EPHA6: variants seen among roughly 807,000 people sequenced by gnomAD.
EPHA6 encodes ephrin type-A receptor 6.
A neutral mutation model predicts 112.0 loss-of-function variants in EPHA6; 50 were observed. That is an observed-to-expected ratio of 0.45 (90% CI 0.36 to 0.56). EPHA6 has a LOEUF of 0.56. Among genes scored for constraint, EPHA6 ranks in the 20% least tolerant of loss-of-function variants. The probability of loss-of-function intolerance (pLI) is 0.00; values close to 1 mark genes in which losing one functional copy is unlikely to be tolerated. For synonymous variants in EPHA6, 529 were observed against 490.7 expected (o/e 1.08, Z -1.03); for missense variants, 1,280 against 1,417.4 (o/e 0.90, Z 1.56).
intron 6 of EPHA6, among the ~76,000 whole-genome samples, chr3:97,435,685 G>A (rs1281862828): frequency 6.6e-6 from 1 of 152,060 alleles, no homozygotes; most frequent in Non-Finnish European, 1.5e-5. Flanking sequence ...TGCAGAACAG[G>A]GCTCTTCACT....
At chr3:97,247,992 A>G (rs979452658) in intron 5 of EPHA6, among the ~76,000 whole-genome samples, 1 of 152,002 alleles carries the variant, frequency 6.6e-6, no homozygotes, top group Non-Finnish European at 1.5e-5. Context: ...CATGTAGTTG[A>G]CTGTATGTAT....
chr3:97,143,795 A>T (rs776138101), intron 3 of EPHA6, among the ~76,000 whole-genome samples: 14 of 151,624 alleles, frequency 9.2e-5, no homozygotes, highest in Non-Finnish European at 2.1e-4. Context: ...ACAGAGGGGG[A>T]GACTCCTTTT....
chr3:97,291,063 G>T (rs917604980), intron 5 of EPHA6, among the ~76,000 whole-genome samples: 2 of 151,942 alleles, frequency 1.3e-5, no homozygotes, highest in Non-Finnish European at 2.9e-5. Context: ...TGGCTGGCAT[G>T]TTGTGTTTTG....
At chr3:97,632,500 T>A (rs301932) in intron 13 of EPHA6, among the ~76,000 whole-genome samples, 105,543 of 151,768 alleles carry the variant, frequency 0.7, 39,663 homozygotes, top group Middle Eastern at 0.89. Flanking sequence ...CTTTTTTGCT[T>A]CCCACATTGA....
At chr3:96,954,581 G>A (rs1046608400) in intron 2 of EPHA6, among the ~76,000 whole-genome samples, 1 of 152,008 alleles carries the variant, frequency 6.6e-6, no homozygotes, top group African/African-American at 2.4e-5. Context: ...AGTGCTTCCT[G>A]ATTATCTCAC....
intron 14 of EPHA6, among the ~76,000 whole-genome samples, chr3:97,667,907 G>A (rs2107650498): frequency 6.6e-6 from 1 of 152,176 alleles, no homozygotes; most frequent in African/African-American, 2.4e-5. Context: ...GTAACTTCTT[G>A]GAACTAAAAG....
intron 1 of EPHA6, among the ~76,000 whole-genome samples, chr3:96,830,484 G>A (rs1436665609): frequency 6.6e-6 from 1 of 151,962 alleles, no homozygotes; most frequent in African/African-American, 2.4e-5. Flanking sequence ...TTTACTAATG[G>A]AATTTATATG....
chr3:96,888,945 A>C (rs1425862060), intron 2 of EPHA6, among the ~76,000 whole-genome samples: 2 of 152,064 alleles, frequency 1.3e-5, no homozygotes, highest in African/African-American at 4.8e-5. Context: ...ACAGCACCCA[A>C]GTCACATCTT....
chr3:97,391,421 T>A lies in EPHA6; in HGVS notation c.1607-13729T>A, dbSNP rs371084781. Among the ~76,000 whole-genome samples the A allele has an allele frequency of 9.2e-5, 14 of 152,018 alleles. No individual in the cohort carries two copies. The East Asian group carries it at 2.3e-3, about 25-fold the overall frequency. Reference sequence around the variant, plus strand: ...ACAGTACAGTTTGTAAGTGCTAGACTTCAGTCAGAAGTCTGTTCTTTACAT... The same window carrying A: ...ACAGTACAGTTTGTAAGTGCTAGACATCAGTCAGAAGTCTGTTCTTTACAT... On this transcript the variant is annotated intron_variant, in intron 5 of 17. Coordinates refer to ENST00000389672, the MANE Select transcript of EPHA6 (RefSeq NM_001080448.3).
At chr3:97,314,362 A>G (rs143663956) in intron 5 of EPHA6, among the ~76,000 whole-genome samples, 1 of 151,734 alleles carries the variant, frequency 6.6e-6, no homozygotes, top group East Asian at 1.9e-4. Flanking sequence ...TTCTGGATCC[A>G]TATGAGTTTT....
chr3:97,445,093 A>G (rs1469037816), intron 6 of EPHA6, among the ~76,000 whole-genome samples: 1 of 152,168 alleles, frequency 6.6e-6, no homozygotes, highest in Admixed American at 6.5e-5. Context: ...TAATTTGGAT[A>G]CAAATATGTC....
chr3:97,747,634 G>A, intron 17 of EPHA6, 62 bp downstream of exon 17: 1 of 1,422,196 alleles, frequency 7.0e-7, no homozygotes, highest in Non-Finnish European at 9.3e-7. Context: ...AAGTTCAAAT[G>A]CTGTATCAAG....
intron 11 of EPHA6, among the ~76,000 whole-genome samples, chr3:97,535,756 A>G (rs2092755474): frequency 6.6e-6 from 1 of 152,152 alleles, no homozygotes; most frequent in South Asian, 2.1e-4. Context: ...TGGGATTCTG[A>G]GAAATAAATT....
chr3:97,117,697 C>A (rs1202286856), intron 3 of EPHA6, among the ~76,000 whole-genome samples: 1 of 151,624 alleles, frequency 6.6e-6, no homozygotes, highest in Non-Finnish European at 1.5e-5. Context: ...AATACTAGTA[C>A]CATGCTGTTT....
At chr3:97,292,857 G>A (rs924299174) in intron 5 of EPHA6, among the ~76,000 whole-genome samples, 1 of 151,706 alleles carries the variant, frequency 6.6e-6, no homozygotes, top group Non-Finnish European at 1.5e-5. Flanking sequence ...GTGGTGGGTA[G>A]CTCCTTCCCT....
In EPHA6 at chr3:97,346,417, TA is replaced by T. The variant is rs2083534237; in HGVS notation, c.1607-58731del. 2.6e-5 allele frequency among the ~76,000 whole-genome samples: 4 copies of T among 152,236 alleles called. No homozygotes were observed. The South Asian group carries it at 8.3e-4, about 32-fold the overall frequency. On this transcript the variant is annotated intron_variant, in intron 5 of 17. Transcript: ENST00000389672. ...TATAATAAATGCCTTCAAACAGATA[TA>T]ATAAGTGTCTTCAAAGTAGACGTTT... is the stretch of plus-strand genomic sequence containing the variant.
chr3:97,423,134 C>A (rs111351950), intron 6 of EPHA6, among the ~76,000 whole-genome samples: 1 of 152,110 alleles, frequency 6.6e-6, no homozygotes, highest in African/African-American at 2.4e-5. Flanking sequence ...ATCCAAAATA[C>A]TACTGGAAGT....
At chr3:97,505,555 A>G (rs914245453) in intron 10 of EPHA6, among the ~76,000 whole-genome samples, 3 of 152,140 alleles carry the variant, frequency 2.0e-5, no homozygotes, top group African/African-American at 4.8e-5. Flanking sequence ...TTCATGGTGT[A>G]TATGTGCCAT....
chr3:97,116,848 T>C (rs2047902142), intron 3 of EPHA6, among the ~76,000 whole-genome samples: 1 of 151,626 alleles, frequency 6.6e-6, no homozygotes, highest in Non-Finnish European at 1.5e-5. Flanking sequence ...TGGACATATA[T>C]TTAGAAGTGG....
Sources: allele counts gnomAD v4.1 joint callset (sites outside exome capture counted in the v4.1 genomes callset), GRCh38; gene constraint gnomAD v4.1.1; transcripts MANE v1.5; gene names NCBI Gene and HGNC (gene_info 2026-07-23, HGNC 2026-07-21).